The following CCDC178 variants were observed in gnomAD, a reference collection of about 807,000 sequenced individuals.
CCDC178 encodes coiled-coil domain containing 178.
A neutral mutation model predicts 117.4 loss-of-function variants in CCDC178; 126 were observed. The ratio of observed to expected loss-of-function variants is 1.07; its 90% CI spans 0.93 to 1.24. The LOEUF is 1.24. Among genes scored for constraint, CCDC178 ranks in the 50% most tolerant of loss-of-function variants. The pLI is 0.00. For synonymous variants in CCDC178, 283 were observed against 313.4 expected (o/e 0.90, Z 1.02); for missense variants, 1,030 against 986.9 (o/e 1.04, Z -0.59).
intron 14 of CCDC178, 56 bp from the exon 15 acceptor site, chr18:33,245,484 T>G: frequency 1.6e-6 from 2 of 1,277,656 alleles, no homozygotes; most frequent in Non-Finnish European, 2.0e-6. Context: ...ACAAACATAT[T>G]TAATAATAGT....
At chr18:33,323,723 A>G (rs2062548649) in intron 10 of CCDC178, 90 bp from the exon 11 acceptor site, 4 of 775,900 alleles carry the variant, frequency 5.2e-6, no homozygotes, top group Non-Finnish European at 7.1e-6. Flanking sequence ...ATTTAGATCA[A>G]AAGTTCTTTA....
At chr18:33,069,785 G>C (rs1294079943) in intron 21 of CCDC178, among the ~76,000 whole-genome samples, 1 of 151,908 alleles carries the variant, frequency 6.6e-6, no homozygotes, top group Non-Finnish European at 1.5e-5. Context: ...TCCAATAAAA[G>C]ATTCATGACC....
chr18:33,156,120 G>A (rs1168860881), intron 20 of CCDC178, among the ~76,000 whole-genome samples: 2 of 120,064 alleles, frequency 1.7e-5, no homozygotes, highest in South Asian at 2.7e-4. Flanking sequence ...ACGGAGTCTC[G>A]CACTGTCGCC....
At chr18:33,153,909 A>G (rs1331454500) in intron 20 of CCDC178, among the ~76,000 whole-genome samples, 1 of 151,982 alleles carries the variant, frequency 6.6e-6, no homozygotes, top group Non-Finnish European at 1.5e-5. Flanking sequence ...AGATGATTTC[A>G]TTGTTATTTT....
At chr18:33,361,074 T>C (rs746167541) in intron 6 of CCDC178, among the ~76,000 whole-genome samples, 2 of 151,626 alleles carry the variant, frequency 1.3e-5, no homozygotes, top group Non-Finnish European at 3.0e-5. Flanking sequence ...AGCATCAGAC[T>C]TCCTGATTTA....
At chr18:32,987,071 AGGC>A in intron 21 of CCDC178, among the ~76,000 whole-genome samples, 1 of 152,058 alleles carries the variant, frequency 6.6e-6, no homozygotes, top group Admixed American at 6.5e-5. Context: ...TCAACTAAAA[AGGC>A]AGGTAGAGAG....
intron 11 of CCDC178, among the ~76,000 whole-genome samples, chr18:33,306,412 T>TTGTGTGTGTGTG (rs71159815): frequency 0.012 from 1,514 of 126,198 alleles, 53 homozygotes; most frequent in Non-Finnish European, 0.016. Context: ...TATTGGATCT[T>TTGTGTGTGTGTG]TGTGTGTGTG....
chr18:33,216,553 A>G (rs1220189884), intron 18 of CCDC178, among the ~76,000 whole-genome samples: 1 of 152,056 alleles, frequency 6.6e-6, no homozygotes, highest in African/African-American at 2.4e-5. Flanking sequence ...TACAGATCTC[A>G]ATGGCTCCTT....
At chr18:33,102,235 T>C (rs1247842560) in intron 20 of CCDC178, among the ~76,000 whole-genome samples, 1 of 151,716 alleles carries the variant, frequency 6.6e-6, no homozygotes, top group African/African-American at 2.4e-5. Context: ...GGACAGAACA[T>C]TAAGGCTAGG....
At chr18:33,200,726 C>T (rs1179348631) in intron 20 of CCDC178, among the ~76,000 whole-genome samples, 1 of 152,144 alleles carries the variant, frequency 6.6e-6, no homozygotes, top group East Asian at 1.9e-4. Context: ...TTTCAGATTT[C>T]CTGCAAGCCC....
intron 22 of CCDC178, among the ~76,000 whole-genome samples, chr18:32,959,703 T>C (rs1178378636): frequency 1.3e-5 from 2 of 152,090 alleles, no homozygotes; most frequent in African/African-American, 4.8e-5. Context: ...CAAAGCAGCA[T>C]CATTATATAA....
At chr18:33,429,929 G>A (rs924591011) in intron 2 of CCDC178, among the ~76,000 whole-genome samples, 12 of 152,112 alleles carry the variant, frequency 7.9e-5, no homozygotes, top group Non-Finnish European at 1.2e-4. Context: ...AAATCCTTTC[G>A]TGTGTAAAAT....
In CCDC178 at chr18:33,394,973, A is replaced by G. The variant is rs1170824537; in HGVS notation, c.118+2176T>C. ...TATATATATATATATATATATATATATATATATATATATATGTATACATAT... is the reference window on the plus strand; with the variant it reads ...TATATATATATATATATATATATATGTATATATATATATATGTATACATAT... On this transcript the variant is annotated intron_variant, in intron 4 of 22. Transcript: ENST00000383096. Among the ~76,000 whole-genome samples, 6 of 136,032 alleles carry G rather than the reference A, an allele frequency of 4.4e-5. 1 individual carries two copies. The highest frequency in any genetic ancestry group is 8.0e-5 in the Non-Finnish European group (5 of 62,426). 89.2% of individuals were successfully genotyped at this position (136,032 alleles called of 152,430 possible).
intron 5 of CCDC178, among the ~76,000 whole-genome samples, chr18:33,372,032 T>C (rs755558772): frequency 3.9e-5 from 6 of 152,138 alleles, no homozygotes; most frequent in Non-Finnish European, 8.8e-5. Flanking sequence ...ATTCCTTTTA[T>C]ATTTTTCTTG....
In CCDC178 at chr18:33,334,403, T is replaced by C. The variant is rs1289456091; in HGVS notation, c.659-1009A>G. 2.0e-5 allele frequency among the ~76,000 whole-genome samples: 3 copies of C among 152,158 alleles called. No individual in the cohort carries two copies. In the East Asian group the frequency reaches 5.8e-4, roughly 29 times the overall value. On this transcript the variant is annotated intron_variant, in intron 9 of 22. Coordinates refer to ENST00000383096, the MANE Select transcript of CCDC178 (RefSeq NM_001105528.4). ...TGAAATTTTAAGCACAGGGATTTCC[T>C]TATATTAATGTATAAATTTAATTAA...
chr18:33,321,507 A>G (rs1197634894), intron 11 of CCDC178, among the ~76,000 whole-genome samples: 2 of 152,146 alleles, frequency 1.3e-5, no homozygotes, highest in Non-Finnish European at 2.9e-5. Flanking sequence ...ACAATGAAAT[A>G]TTCAGCAACA....
intron 5 of CCDC178, among the ~76,000 whole-genome samples, chr18:33,383,974 T>C (rs1416268314): frequency 1.3e-5 from 2 of 152,056 alleles, no homozygotes; most frequent in African/African-American, 4.8e-5. Context: ...GATAAAAGAT[T>C]ACAGGAGCTG....
chr18:33,052,153 G>A (rs1598830440), intron 21 of CCDC178, among the ~76,000 whole-genome samples: 1 of 152,108 alleles, frequency 6.6e-6, no homozygotes. Flanking sequence ...AATGGCAAAT[G>A]TTTCTAGCAA....
chr18:33,067,333 A>G (rs1196716652), intron 21 of CCDC178, among the ~76,000 whole-genome samples: 1 of 152,230 alleles, frequency 6.6e-6, no homozygotes, highest in Non-Finnish European at 1.5e-5. Context: ...ACATACAAAA[A>G]GCTATGAAAT....
Sources: allele counts gnomAD v4.1 joint callset (sites outside exome capture counted in the v4.1 genomes callset), GRCh38; gene constraint gnomAD v4.1.1; transcripts MANE v1.5; gene names NCBI Gene and HGNC (gene_info 2026-07-23, HGNC 2026-07-21).